Variants in SLC22A23 observed in about 807,000 individuals in gnomAD.
The protein encoded by SLC22A23 is solute carrier family 22 member 23, also known as ion transporter protein.
SLC22A23 carries 26 observed loss-of-function variants against 61.0 expected under a neutral mutation model. The observed-to-expected ratio is 0.43, with a 90% CI of 0.31 to 0.59. The LOEUF is 0.59. Ranked by LOEUF, SLC22A23 falls within the 20% of genes least tolerant of loss-of-function variation. The probability of loss-of-function intolerance (pLI) is 0.11; values close to 1 mark genes in which losing one functional copy is unlikely to be tolerated. For missense variants in SLC22A23, 796 were observed against 934.7 expected, an observed-to-expected ratio of 0.85 and a Z score of 1.94; for synonymous variants, 430 against 413.9, an observed-to-expected ratio of 1.04 and a Z score of -0.47.
chr6:3,348,105 T>C (rs1314200217), intron 3 of SLC22A23, among the ~76,000 whole-genome samples: 4 of 152,210 alleles, frequency 2.6e-5, no homozygotes, highest in Non-Finnish European at 5.9e-5. Context: ...ACCTGCATGC[T>C]GTGTGTCTCC....
chr6:3,402,403 A>G lies in SLC22A23; in HGVS notation c.913+7785T>C, dbSNP rs575624437. ...TCCTCCTTCCTTGGCTTTGTTATTCATAATTTAGATTCCGACCCCAATCAC... is the reference window on the plus strand; with the variant it reads ...TCCTCCTTCCTTGGCTTTGTTATTCGTAATTTAGATTCCGACCCCAATCAC... On this transcript the variant is annotated intron_variant, in intron 3 of 9. Transcript: ENST00000406686. Among the ~76,000 whole-genome samples, 16 of 149,322 alleles carry G rather than the reference A, an allele frequency of 1.1e-4. No homozygotes were observed. In the South Asian group the frequency reaches 3.3e-3, roughly 31 times the overall value.
chr6:3,323,169 C>A, intron 4 of SLC22A23: 1 of 443,170 alleles, frequency 2.3e-6, no homozygotes. Context: ...ACCCATAGTT[C>A]AAAAAGGCAT....
intron 3 of SLC22A23, among the ~76,000 whole-genome samples, chr6:3,347,855 A>G (rs1764530540): frequency 6.6e-6 from 1 of 152,200 alleles, no homozygotes; most frequent in African/African-American, 2.4e-5. Flanking sequence ...CCCTGCCCTC[A>G]GGCTGTGGCC....
intron 1 of SLC22A23, among the ~76,000 whole-genome samples, chr6:3,450,142 GAGAC>G: frequency 6.6e-6 from 1 of 152,344 alleles, no homozygotes; most frequent in Middle Eastern, 3.4e-3. Flanking sequence ...ACTGGGGGCA[GAGAC>G]AGAAAGAAAT....
At chr6:3,347,131 C>A (rs779570482) in intron 3 of SLC22A23, among the ~76,000 whole-genome samples, 5 of 152,154 alleles carry the variant, frequency 3.3e-5, no homozygotes, top group Non-Finnish European at 4.4e-5. Flanking sequence ...TTAACTACCC[C>A]CACGCTGTGA....
intron 3 of SLC22A23, among the ~76,000 whole-genome samples, chr6:3,335,296 A>T (rs1763789649): frequency 6.6e-6 from 1 of 152,190 alleles, no homozygotes; most frequent in South Asian, 2.1e-4. Context: ...AGGCCTTCTA[A>T]CACCCCATGC....
intron 3 of SLC22A23, among the ~76,000 whole-genome samples, chr6:3,405,907 TC>T (rs1768793633): frequency 6.6e-6 from 1 of 152,208 alleles, no homozygotes; most frequent in Non-Finnish European, 1.5e-5. Flanking sequence ...AGTAACTGAG[TC>T]AGCTGTGAAA....
intron 3 of SLC22A23, among the ~76,000 whole-genome samples, chr6:3,335,710 T>C (rs1763814792): frequency 6.6e-6 from 1 of 152,166 alleles, no homozygotes; most frequent in South Asian, 2.1e-4. Flanking sequence ...TTCTATAGAT[T>C]GGTGCCATTA....
intron 1 of SLC22A23, among the ~76,000 whole-genome samples, chr6:3,424,874 A>C (rs1400467581): frequency 2.0e-5 from 3 of 152,226 alleles, no homozygotes; most frequent in Non-Finnish European, 4.4e-5. Flanking sequence ...CCTTTTTAGA[A>C]AAATTTTGCT....
chr6:3,305,972 T>C (rs1281855067), intron 4 of SLC22A23, among the ~76,000 whole-genome samples: 2 of 152,188 alleles, frequency 1.3e-5, no homozygotes, highest in Admixed American at 6.5e-5. Flanking sequence ...CACTGGAGGC[T>C]CTGGAGGCTG....
chr6:3,378,657 C>CTTTTTTT (rs574704294), intron 3 of SLC22A23, among the ~76,000 whole-genome samples: 14 of 119,096 alleles, frequency 1.2e-4, no homozygotes, highest in East Asian at 5.0e-4. Flanking sequence ...TTTCTTTTTT[C>CTTTTTTT]TTTTTTTTTT....
chr6:3,418,411 TTG>T (rs1350612772), intron 1 of SLC22A23, among the ~76,000 whole-genome samples: 2 of 152,250 alleles, frequency 1.3e-5, no homozygotes, highest in Non-Finnish European at 2.9e-5. Flanking sequence ...GCCAATACTG[TTG>T]TGAGTTCAGC....
intron 4 of SLC22A23, among the ~76,000 whole-genome samples, chr6:3,310,386 ACTC>A (rs1270553617): frequency 6.6e-4 from 86 of 130,290 alleles, no homozygotes; most frequent in Non-Finnish European, 1.0e-3. Flanking sequence ...CCTGTCTCCC[ACTC>A]GAGCACCCTG....
At chr6:3,344,080 C>CT (rs1764293246) in intron 3 of SLC22A23, among the ~76,000 whole-genome samples, 1 of 152,154 alleles carries the variant, frequency 6.6e-6, no homozygotes, top group Non-Finnish European at 1.5e-5. Context: ...TCCAGAACTG[C>CT]ATTGTCCAAT....
rs1381578570 is a variant in SLC22A23 at position 3,334,677 on chromosome 6, C to T, written c.914-10675G>A. 5.3e-5 allele frequency among the ~76,000 whole-genome samples: 8 copies of T among 152,230 alleles called. No homozygotes were observed. The South Asian group carries it at 6.2e-4, about 12-fold the overall frequency. ...AGTCAAATGCTAGGCAGATAAGGAA[C>T]GTGTGAAGCCCGCCGGGTGCTAGGG... On this transcript the variant is annotated intron_variant, in intron 3 of 9. Coordinates refer to ENST00000406686, the MANE Select transcript of SLC22A23 (RefSeq NM_015482.2).
Position 3,286,720 on chromosome 6 carries a change from G to T in SLC22A23, c.1546+139C>A. 1.3e-6 allele frequency: 1 copy of T among 781,746 alleles called. No individual in the cohort carries two copies. Among genetic ancestry groups the T allele is most frequent in the African/African-American group, 1.7e-5 (1 of 57,850 alleles). The allele number at this position is 781,746 out of a possible 1,614,324, so 48.4% of individuals were successfully genotyped here. On this transcript the variant is annotated intron_variant, in intron 7 of 9. Transcript: ENST00000406686. This position sits in a 1 kb window ranked among gnomAD's most constrained non-coding sequence, Gnocchi z 4.2. Reference sequence around the variant, plus strand: ...GGCTCCACAGATGCTCTCAACTGAAGCTCTGTTCTCCCCAAAGCAGCTCCT... The same window carrying T: ...GGCTCCACAGATGCTCTCAACTGAATCTCTGTTCTCCCCAAAGCAGCTCCT...
intron 3 of SLC22A23, among the ~76,000 whole-genome samples, chr6:3,335,934 A>T (rs947547568): frequency 6.6e-6 from 1 of 152,084 alleles, no homozygotes; most frequent in Non-Finnish European, 1.5e-5. Context: ...CTAAAAATAC[A>T]AAAAATTAGC....
chr6:3,455,870 A>G, intron 1 of SLC22A23, 36 bp downstream of exon 1: 1 of 1,460,758 alleles, frequency 6.8e-7, no homozygotes, highest in Non-Finnish European at 9.1e-7. Flanking sequence ...GTCTGCAGGG[A>G]GAGGGTTGGA....
intron 1 of SLC22A23, among the ~76,000 whole-genome samples, chr6:3,418,304 T>C (rs1157611292): frequency 6.6e-6 from 1 of 152,190 alleles, no homozygotes; most frequent in Non-Finnish European, 1.5e-5. Flanking sequence ...TGAGTTTACT[T>C]GAGGTTAAAG....
Sources: allele counts gnomAD v4.1 joint callset (sites outside exome capture counted in the v4.1 genomes callset), GRCh38; gene constraint gnomAD v4.1.1; non-coding constraint Gnocchi (gnomAD v3.1); transcripts MANE v1.5; gene names NCBI Gene and HGNC (gene_info 2026-07-23, HGNC 2026-07-21).